The following CACNA1B variants were observed in gnomAD, a reference collection of about 807,000 sequenced individuals.
The protein encoded by CACNA1B is calcium voltage-gated channel subunit alpha1 B, also known as voltage-dependent N-type calcium channel subunit alpha-1B.
A neutral mutation model predicts 247.2 loss-of-function variants in CACNA1B; 70 were observed. That is an observed-to-expected ratio of 0.28 (90% CI 0.23 to 0.35). The LOEUF is 0.35. Ranked by LOEUF, CACNA1B falls within the 10% of genes least tolerant of loss-of-function variation. CACNA1B has a pLI of 1.00. For missense variants in CACNA1B, 2,367 were observed against 3,197.4 expected, an observed-to-expected ratio of 0.74 and a Z score of 6.26; for synonymous variants, 1,231 against 1,294.4, an observed-to-expected ratio of 0.95 and a Z score of 1.05.
At position 137,881,337 on chromosome 9, in the gene CACNA1B, C is replaced by T. The variant is rs1378645491; in HGVS notation, c.391-1407C>T. On this transcript the variant is annotated intron_variant, in intron 2 of 46. Transcript: ENST00000371372. The surrounding 1 kb of genome is among the most constrained non-coding windows in gnomAD (Gnocchi z 4.3). ...CCAGCCAAGCCTTGGGCCAGCTCCA[C>T]CACAGGACAGGAGGAGCCCAGGCTG... Among the ~76,000 whole-genome samples, 1 of 152,170 alleles carries T rather than the reference C, an allele frequency of 6.6e-6. No homozygotes were observed. Among genetic ancestry groups the T allele is most frequent in the Non-Finnish European group, 1.5e-5 (1 of 68,026 alleles).
rs202060950 is a variant in CACNA1B, at chr9:138,058,008, C to T, written c.4107-41C>T. 2.5e-6 allele frequency: 4 copies of T among 1,589,322 alleles called. No homozygotes were observed. Reference sequence around the variant, plus strand: ...GGTCTTGAGTTCTTAGGGCTGTCTCCTTTGGGGGTTCCCCTGACACTTGCT... The same window carrying T: ...GGTCTTGAGTTCTTAGGGCTGTCTCTTTTGGGGGTTCCCCTGACACTTGCT... On this transcript the variant is annotated intron_variant, in intron 27 of 46. Coordinates refer to ENST00000371372, the MANE Select transcript of CACNA1B (RefSeq NM_000718.4). The surrounding 1 kb of genome is among the most constrained non-coding windows in gnomAD (Gnocchi z 4.7).
At chr9:138,006,732 T>TG in intron 15 of CACNA1B, 35 bp from the exon 16 acceptor site, 2 of 1,281,872 alleles carry the variant, frequency 1.6e-6, no homozygotes, top group Non-Finnish European at 2.3e-6. Context: ...AAGGCGGCCA[T>TG]GGGGGCTTGC....
At chr9:138,004,698 A>G (rs1404460430) in intron 15 of CACNA1B, among the ~76,000 whole-genome samples, 1 of 152,156 alleles carries the variant, frequency 6.6e-6, no homozygotes, top group African/African-American at 2.4e-5. Flanking sequence ...TATGTGTGTG[A>G]TGTGTAGTGG....
At chr9:137,915,479 A>G (rs923592163) in intron 5 of CACNA1B, among the ~76,000 whole-genome samples, 1 of 152,182 alleles carries the variant, frequency 6.6e-6, no homozygotes, top group Non-Finnish European at 1.5e-5. Context: ...GGGGTAAGAG[A>G]AACAGAAGAG....
In CACNA1B at chr9:138,118,636, A is replaced by C. The variant is rs1261781885; in HGVS notation, c.5914-16A>C. ...GTGCCTTGTGTGGTGGGACTAGGTG[A>C]GTGCTGTATCCACAGGCTGTGGACG... On this transcript the variant is annotated splice_polypyrimidine_tract_variant and intron_variant, in intron 43 of 46. Coordinates refer to ENST00000371372, the MANE Select transcript of CACNA1B (RefSeq NM_000718.4). 1 of 1,271,742 alleles carries C rather than the reference A, an allele frequency of 7.9e-7. No homozygotes were observed. The highest frequency in any genetic ancestry group is 1.5e-5 in the African/African-American group (1 of 67,480). The allele number at this position is 1,271,742 out of a possible 1,614,324, so 78.8% of individuals were successfully genotyped here.
intron 6 of CACNA1B, among the ~76,000 whole-genome samples, chr9:137,922,507 G>A (rs547622660): frequency 6.1e-4 from 93 of 152,298 alleles, no homozygotes; most frequent in Admixed American, 1.7e-3. Context: ...TTGATAAGAG[G>A]AAGGTTGTTG....
intron 20 of CACNA1B, among the ~76,000 whole-genome samples, chr9:138,034,751 A>G (rs1308553802): frequency 6.6e-6 from 1 of 152,072 alleles, no homozygotes; most frequent in Non-Finnish European, 1.5e-5. Flanking sequence ...ACCTGTTAGA[A>G]TCTTATATTT....
intron 12 of CACNA1B, among the ~76,000 whole-genome samples, chr9:137,980,491 C>T (rs1420934451): frequency 6.6e-6 from 1 of 152,210 alleles, no homozygotes. Context: ...CATCTTTAGA[C>T]CATGCCACCT....
In CACNA1B at chr9:138,112,500, A is replaced by G. The variant is rs759587821; in HGVS notation, c.5531A>G (p.His1844Arg). Residue 1844 changes from histidine (H) to arginine (R), a missense_variant, in exon 40 of 47, where the codon CAT (histidine) becomes CGT (arginine). Transcript: ENST00000371372. ...QKTLDLLVPP[H>R]KPDEMTVGKV... ...ACTTTGGACTTGCTGGTACCACCCC[A>G]TAAGCGTAAGTGTGAGGGTGAGAAA... 2 of 1,598,002 alleles carry G rather than the reference A, an allele frequency of 1.3e-6. No individual in the cohort carries two copies. The highest frequency in any genetic ancestry group is 1.7e-5 in the Admixed American group (1 of 60,006).
intron 18 of CACNA1B, 126 bp from the exon 19 acceptor site, chr9:138,022,885 G>T: frequency 7.9e-7 from 1 of 1,266,936 alleles, no homozygotes; most frequent in Non-Finnish European, 1.0e-6. Context: ...GGGTGTGGGG[G>T]CTCCCGCGGC....
rs950703292 is a variant in CACNA1B, at chr9:137,982,309, T to C, written c.1657-1829T>C. On this transcript the variant is annotated intron_variant, in intron 12 of 46. Transcript: ENST00000371372. The stretch of plus-strand genomic sequence containing the variant: ...CTTCCAGGCTCACTGGTGTGGCTGC[T>C]GGCAGGCCTCTGTTCCTGGTCACAT... Among the ~76,000 whole-genome samples, 47 of 152,318 alleles carry C rather than the reference T, an allele frequency of 3.1e-4. 1 individual carries two copies. The highest frequency in any genetic ancestry group is 1.2e-3 in the Admixed American group (19 of 15,300).
chr9:137,919,773 G>A lies in CACNA1B; in HGVS notation c.966+2342G>A, dbSNP rs1168398169. ...CAGGAGTGGGGGTGTGAGCAACAGC[G>A]GGCAGCCAGGACCGGGTGAGTGATG... is the stretch of plus-strand genomic sequence containing the variant. On this transcript the variant is annotated intron_variant, in intron 6 of 46. Coordinates refer to ENST00000371372, the MANE Select transcript of CACNA1B (RefSeq NM_000718.4). The surrounding 1 kb of genome is among the most constrained non-coding windows in gnomAD (Gnocchi z 4.6). Among the ~76,000 whole-genome samples, 1 of 152,206 alleles carries A rather than the reference G, an allele frequency of 6.6e-6. No homozygotes were observed. Among genetic ancestry groups the A allele is most frequent in the East Asian group, 1.9e-4 (1 of 5,198 alleles).
At chr9:138,098,841 C>A (rs1425717349) in intron 37 of CACNA1B, among the ~76,000 whole-genome samples, 1 of 152,194 alleles carries the variant, frequency 6.6e-6, no homozygotes, top group Non-Finnish European at 1.5e-5. Flanking sequence ...GACCTGTGAG[C>A]AACACATGAT....
Position 138,044,032 on chromosome 9 carries a change from A to G in CACNA1B, c.3413+132A>G. On this transcript the variant is annotated intron_variant, in intron 21 of 46. Coordinates refer to ENST00000371372, the MANE Select transcript of CACNA1B (RefSeq NM_000718.4). ...GAAACGGCTCTAAATCCCATGGCAG[A>G]CCCCAGAGGCACGTGCCCGTGTGAC... 2.4e-6 allele frequency: 3 copies of G among 1,239,990 alleles called. No homozygotes were observed. The Admixed American group carries it at 6.4e-5, about 26-fold the overall frequency. The allele number at this position is 1,239,990 out of a possible 1,614,324, so 76.8% of individuals were successfully genotyped here.
At chr9:138,053,295 GCTGCCTCTAGCACCTCCTGC>G (rs905584381) in intron 25 of CACNA1B, among the ~76,000 whole-genome samples, 1 of 152,188 alleles carries the variant, frequency 6.6e-6, no homozygotes, top group African/African-American at 2.4e-5. Context: ...GCATCCAGCT[GCTGCCTCTAGCACCTCCTGC>G]CCCTCCATCC....
intron 31 of CACNA1B, among the ~76,000 whole-genome samples, chr9:138,062,422 T>C (rs1271721576): frequency 6.6e-6 from 1 of 152,110 alleles, no homozygotes; most frequent in Non-Finnish European, 1.5e-5. Flanking sequence ...GTGCGTGTCA[T>C]GGGGGATTGG....
At chr9:137,948,460 T>G (rs2133330289) in intron 6 of CACNA1B, among the ~76,000 whole-genome samples, 1 of 152,262 alleles carries the variant, frequency 6.6e-6, no homozygotes, top group East Asian at 1.9e-4. Context: ...TCCTTCCACA[T>G]CCCCTTCATT....
At chr9:137,985,626 G>A (rs534578409) in intron 13 of CACNA1B, among the ~76,000 whole-genome samples, 1 of 152,352 alleles carries the variant, frequency 6.6e-6, no homozygotes, top group Admixed American at 6.5e-5. Flanking sequence ...TGGTTTGGGA[G>A]CCCAGGGGTG....
At chr9:138,000,570 A>T (rs1043225655) in intron 15 of CACNA1B, among the ~76,000 whole-genome samples, 1 of 152,236 alleles carries the variant, frequency 6.6e-6, no homozygotes, top group African/African-American at 2.4e-5. Context: ...AGTTTCACCA[A>T]GCCTTTCAAG....
Sources: gnomAD v4.1 joint callset for allele counts (sites outside exome capture counted in the v4.1 genomes callset) on GRCh38, gnomAD v4.1.1 for gene constraint, Gnocchi (gnomAD v3.1) non-coding constraint, MANE v1.5 for transcripts, NCBI Gene and HGNC (gene_info 2026-07-23, HGNC 2026-07-21) for gene names.